Variants in NRG3 observed in about 807,000 individuals in gnomAD.
NRG3 encodes neuregulin 3.
A neutral mutation model predicts 66.9 loss-of-function variants in NRG3; 31 were observed. That is an observed-to-expected ratio of 0.46 (90% confidence interval 0.35 to 0.63). The LOEUF (loss-of-function observed/expected upper bound fraction) is 0.63. Among genes scored for constraint, NRG3 ranks in the 20% least tolerant of loss-of-function variants. The pLI is 0.00. For missense variants in NRG3, 910 were observed against 878.9 expected, an observed-to-expected ratio of 1.04 and a Z score of -0.45; for synonymous variants, 393 against 359.4, an observed-to-expected ratio of 1.09 and a Z score of -1.06.
chr10:82,946,793 A>T (rs1022413028), intron 4 of NRG3, among the ~76,000 whole-genome samples: 2 of 152,284 alleles, frequency 1.3e-5, no homozygotes, highest in African/African-American at 2.4e-5. Context: ...TATATATTAA[A>T]AGGTTTATAT....
chr10:82,699,819 T>G (rs573078197), intron 2 of NRG3, among the ~76,000 whole-genome samples: 1 of 151,996 alleles, frequency 6.6e-6, no homozygotes, highest in East Asian at 1.9e-4. Context: ...AAATAAACAT[T>G]TTCTGATTTT....
chr10:82,512,712 A>C (rs2132459091), intron 2 of NRG3, among the ~76,000 whole-genome samples: 1 of 152,158 alleles, frequency 6.6e-6, no homozygotes, highest in Admixed American at 6.5e-5. Context: ...TTTTCGGTAG[A>C]TTTTTTTCCT....
At chr10:82,981,480 G>A (rs540497142) in intron 8 of NRG3, among the ~76,000 whole-genome samples, 10 of 152,274 alleles carry the variant, frequency 6.6e-5, no homozygotes, top group African/African-American at 1.9e-4. Flanking sequence ...AATGGGATTC[G>A]TAATAGAATT....
chr10:82,650,447 T>C (rs2051325142), intron 2 of NRG3, among the ~76,000 whole-genome samples: 1 of 152,164 alleles, frequency 6.6e-6, no homozygotes, highest in Non-Finnish European at 1.5e-5. Context: ...AAAAAACACC[T>C]AATGTTGTTT....
chr10:82,548,812 A>G (rs2044112607), intron 2 of NRG3, among the ~76,000 whole-genome samples: 1 of 152,234 alleles, frequency 6.6e-6, no homozygotes, highest in South Asian at 2.1e-4. Flanking sequence ...AAGCACAGGC[A>G]GAAAGCAGAA....
chr10:82,030,276 T>C (rs75451257), intron 1 of NRG3, among the ~76,000 whole-genome samples: 42 of 152,214 alleles, frequency 2.8e-4, no homozygotes, highest in Non-Finnish European at 5.4e-4. Flanking sequence ...GATCTTTGCT[T>C]GTCTCCTTAA....
At chr10:82,970,583 T>C (rs566878094) in intron 6 of NRG3, among the ~76,000 whole-genome samples, 35 of 152,326 alleles carry the variant, frequency 2.3e-4, no homozygotes, top group Non-Finnish European at 4.7e-4. Flanking sequence ...TGCCTTTCAT[T>C]TTTTTCCAGT....
chr10:82,645,759 GA>G (rs1196651631), intron 2 of NRG3, among the ~76,000 whole-genome samples: 4 of 152,062 alleles, frequency 2.6e-5, no homozygotes, highest in African/African-American at 7.2e-5. Context: ...TATAGGTGGG[GA>G]AAAAACAAGA....
At position 82,987,120 on chromosome 10, in the gene NRG3, T is replaced by C. The variant is rs1416985631; in HGVS notation, c.*1515T>C. 3 of 152,168 alleles carry C rather than the reference T, an allele frequency of 2.0e-5. No homozygotes were observed. The highest frequency in any genetic ancestry group is 7.2e-5 in the African/African-American group (3 of 41,450). 9.4% of individuals were successfully genotyped at this position (152,168 alleles called of 1,614,324 possible). A position where few individuals can be genotyped will look rare whatever the true frequency, so the allele number is the denominator to read the frequency against. Reference sequence around the variant, plus strand: ...TATCCAGTCTTTTTCCAATTATTGGTGGTGTTGAGTTGTTATGTTTACACT... The same window carrying C: ...TATCCAGTCTTTTTCCAATTATTGGCGGTGTTGAGTTGTTATGTTTACACT... On this transcript the variant is annotated 3_prime_UTR_variant, in exon 9 of 9. Transcript: ENST00000372141.
chr10:82,834,616 C>T (rs1283690846), intron 3 of NRG3, among the ~76,000 whole-genome samples: 1 of 152,148 alleles, frequency 6.6e-6, no homozygotes, highest in African/African-American at 2.4e-5. Flanking sequence ...TCTTTCTGTC[C>T]TGGATGGTCT....
intron 4 of NRG3, among the ~76,000 whole-genome samples, chr10:82,889,754 GGGCTTGAA>G (rs2136113049): frequency 6.6e-6 from 1 of 152,250 alleles, no homozygotes; most frequent in African/African-American, 2.4e-5. Context: ...TGCCTTTCCT[GGGCTTGAA>G]GGTGGAGTTT....
intron 1 of NRG3, among the ~76,000 whole-genome samples, chr10:82,150,051 G>T (rs1184737168): frequency 6.6e-6 from 1 of 151,962 alleles, no homozygotes; most frequent in Non-Finnish European, 1.5e-5. Flanking sequence ...CACCCATCTG[G>T]ACTCCCTGCT....
chr10:82,218,857 A>G (rs17099625), intron 1 of NRG3, among the ~76,000 whole-genome samples: 3,862 of 152,200 alleles, frequency 0.025, 193 homozygotes, highest in East Asian at 0.19. Context: ...CTAGAAATGG[A>G]GAGTTAGACG....
At chr10:81,948,781 G>A (rs1849075243) in intron 1 of NRG3, among the ~76,000 whole-genome samples, 1 of 152,164 alleles carries the variant, frequency 6.6e-6, no homozygotes, top group Non-Finnish European at 1.5e-5. Flanking sequence ...AAATTTGTGG[G>A]TCTAATGCAA....
intron 1 of NRG3, among the ~76,000 whole-genome samples, chr10:82,023,610 A>C (rs994947096): frequency 7.2e-5 from 11 of 152,092 alleles, no homozygotes; most frequent in Admixed American, 1.3e-4. Flanking sequence ...AGCTATGATC[A>C]TATGGCTTTT....
intron 3 of NRG3, among the ~76,000 whole-genome samples, chr10:82,793,601 C>T (rs748916355): frequency 1.4e-4 from 21 of 152,138 alleles, no homozygotes; most frequent in Non-Finnish European, 3.1e-4. Context: ...GTTGCAATAG[C>T]TTATAACCCT....
intron 1 of NRG3, among the ~76,000 whole-genome samples, chr10:82,202,531 T>C (rs2133507811): frequency 6.6e-6 from 1 of 152,268 alleles, no homozygotes; most frequent in African/African-American, 2.4e-5. Context: ...TAAGTGCTAC[T>C]GAGTAAACTT....
chr10:82,700,374 T>C (rs1268022811), intron 2 of NRG3, among the ~76,000 whole-genome samples: 1 of 152,186 alleles, frequency 6.6e-6, no homozygotes, highest in East Asian at 1.9e-4. Context: ...AATGCATCAC[T>C]TTGATGAGCC....
At chr10:82,606,947 A>G (rs1455122490) in intron 2 of NRG3, among the ~76,000 whole-genome samples, 1 of 151,932 alleles carries the variant, frequency 6.6e-6, no homozygotes, top group Non-Finnish European at 1.5e-5. Context: ...GCAATCCCAC[A>G]CTTTGGCCCA....
Sources: gnomAD v4.1 joint callset for allele counts (sites outside exome capture counted in the v4.1 genomes callset) on GRCh38, gnomAD v4.1.1 for gene constraint, MANE v1.5 for transcripts, NCBI Gene and HGNC (gene_info 2026-07-23, HGNC 2026-07-21) for gene names.